ADHFE1: variants seen among roughly 807,000 people sequenced by gnomAD.
The protein encoded by ADHFE1 is hydroxyacid-oxoacid transhydrogenase, mitochondrial.
Under a neutral mutation model 54.8 loss-of-function variants are expected in ADHFE1, and 37 were observed. The observed-to-expected ratio is 0.68, with a 90% CI of 0.52 to 0.89. ADHFE1 has a LOEUF of 0.89. Ranked by LOEUF, ADHFE1 falls within the 40% of genes least tolerant of loss-of-function variation. ADHFE1 has a pLI of 0.00. For missense variants in ADHFE1, 601 were observed against 591.2 expected (o/e 1.02, Z -0.17); for synonymous variants, 203 against 229.3 (o/e 0.89, Z 1.04).
chr8:66,456,738 C>T, intron 10 of ADHFE1, 79 bp from the exon 11 acceptor site: 1 of 1,070,124 alleles, frequency 9.3e-7, no homozygotes. Context: ...TGACAGGCAT[C>T]CCCATAAGAG....
At chr8:66,463,944 G>T (rs1807038075) in intron 13 of ADHFE1, among the ~76,000 whole-genome samples, 1 of 152,190 alleles carries the variant, frequency 6.6e-6, no homozygotes, top group African/African-American at 2.4e-5. Context: ...GCTGCAAGGG[G>T]AGCAGGCAAG....
chr8:66,439,213 C>T lies in ADHFE1; in HGVS notation c.60-949C>T, dbSNP rs1805621459. ...CCCTTTTCCTTCCTCCCCAACCTTC[C>T]CCCTCGGGTGTTTTAATTCCAGATT... On this transcript the variant is annotated intron_variant, in intron 1 of 13. Coordinates refer to ENST00000396623, the MANE Select transcript of ADHFE1 (RefSeq NM_144650.3). The surrounding 1 kb of genome is among the most constrained non-coding windows in gnomAD (Gnocchi z 4.4). 1.0e-6 allele frequency: 1 copy of T among 985,444 alleles called. No individual in the cohort carries two copies. The highest frequency in any genetic ancestry group is 1.2e-6 in the Non-Finnish European group (1 of 829,964). 61.0% of individuals were successfully genotyped at this position (985,444 alleles called of 1,614,324 possible). A position where few individuals can be genotyped will look rare whatever the true frequency, so the allele number is the denominator to read the frequency against.
intron 10 of ADHFE1, among the ~76,000 whole-genome samples, chr8:66,454,996 C>T (rs914738864): frequency 1.3e-5 from 2 of 152,182 alleles, no homozygotes; most frequent in Non-Finnish European, 2.9e-5. Flanking sequence ...GAATTACAGG[C>T]ATGAGCCACC....
At chr8:66,465,157 T>A (rs1013314113) in intron 13 of ADHFE1, among the ~76,000 whole-genome samples, 1 of 152,358 alleles carries the variant, frequency 6.6e-6, no homozygotes, top group South Asian at 2.1e-4. Flanking sequence ...TTGACTATTA[T>A]GAATAATGCT....
intron 9 of ADHFE1, among the ~76,000 whole-genome samples, chr8:66,452,771 C>T (rs2130431799): frequency 6.6e-6 from 1 of 152,190 alleles, no homozygotes; most frequent in East Asian, 1.9e-4. Context: ...TATATACATA[C>T]ATGTATAGCC....
chr8:66,463,898 G>T (rs1420969768), intron 13 of ADHFE1, among the ~76,000 whole-genome samples: 2 of 152,206 alleles, frequency 1.3e-5, no homozygotes, highest in Admixed American at 1.3e-4. Flanking sequence ...GCTAATAGCA[G>T]CCCTGTGTAC....
intron 1 of ADHFE1, among the ~76,000 whole-genome samples, chr8:66,438,577 C>T (rs1180480574): frequency 1.3e-5 from 2 of 152,136 alleles, no homozygotes; most frequent in Admixed American, 6.5e-5. Flanking sequence ...GCTGGACTTG[C>T]AGACACAGCA....
intron 12 of ADHFE1, among the ~76,000 whole-genome samples, chr8:66,457,914 A>G (rs1806680476): frequency 1.3e-5 from 2 of 152,354 alleles, no homozygotes; most frequent in East Asian, 3.9e-4. Flanking sequence ...CTAATTATAG[A>G]GAATCAAAAC....
Position 66,460,455 on chromosome 8 carries a change from C to G in ADHFE1, c.1310C>G (p.Thr437Arg), listed in dbSNP as rs145880607. 2 of 1,582,242 alleles carry G rather than the reference C, an allele frequency of 1.3e-6. No homozygotes were observed. Among genetic ancestry groups the G allele is most frequent in the Non-Finnish European group, 8.6e-7 (1 of 1,157,764 alleles). Residue 437 changes from threonine to arginine, a missense_variant, in exon 13 of 14, where the codon ACG (threonine) becomes AGG (arginine). Coordinates refer to ENST00000396623, the MANE Select transcript of ADHFE1 (RefSeq NM_144650.3). ...GATATCCCCGCACTAGTGAAAGGAA[C>G]GCTGCCCCAGGTAAGAGACCGGCAG... ...KADIPALVKG[T>R]LPQERVTKLA...
intron 6 of ADHFE1, among the ~76,000 whole-genome samples, chr8:66,445,832 TC>T (rs1352784144): frequency 6.6e-6 from 1 of 152,232 alleles, no homozygotes; most frequent in African/African-American, 2.4e-5. Context: ...TAATGGCTCT[TC>T]AGCTGACCTC....
intron 11 of ADHFE1, 27 bp from the exon 12 acceptor site, chr8:66,457,043 C>T (rs557901408): frequency 1.8e-5 from 29 of 1,602,656 alleles, no homozygotes; most frequent in African/African-American, 2.7e-5. Flanking sequence ...TGTCATCTGC[C>T]GGTCACCGCA....
Position 66,468,378 on chromosome 8 carries a change from C to G in ADHFE1, c.*26C>G. On this transcript the variant is annotated 3_prime_UTR_variant, in exon 14 of 14. Coordinates refer to ENST00000396623, the MANE Select transcript of ADHFE1 (RefSeq NM_144650.3). ...TTGTCATTTTAACTGAAAGAATTAC[C>G]GCTGGCCATTGTAGTGCTGAGAGCA... The G allele has an allele frequency of 6.3e-7, 1 of 1,590,650 alleles. No homozygotes were observed. The highest frequency in any genetic ancestry group is 8.6e-7 in the Non-Finnish European group (1 of 1,163,534).
chr8:66,439,843 C>T lies in ADHFE1; in HGVS notation c.60-319C>T, dbSNP rs950207779. Reference sequence around the variant, plus strand: ...GTAAGAGCTGGGGCTTCATGGAGACCAGAGACCCCCATCTTAAACTTGCAT... The same window carrying T: ...GTAAGAGCTGGGGCTTCATGGAGACTAGAGACCCCCATCTTAAACTTGCAT... On this transcript the variant is annotated intron_variant, in intron 1 of 13. Transcript: ENST00000396623. This position sits in a 1 kb window ranked among gnomAD's most constrained non-coding sequence, Gnocchi z 4.4. The T allele has an allele frequency of 7.4e-5, 75 of 1,012,758 alleles. No individual in the cohort carries two copies. In the African/African-American group the frequency reaches 9.7e-4, roughly 13 times the overall value. The allele number at this position is 1,012,758 out of a possible 1,614,324, so 62.7% of individuals were successfully genotyped here.
chr8:66,464,700 G>A (rs756811347), intron 13 of ADHFE1, among the ~76,000 whole-genome samples: 3 of 152,038 alleles, frequency 2.0e-5, no homozygotes, highest in Non-Finnish European at 4.4e-5. Context: ...TTTAAATTGT[G>A]ATAAAATATG....
rs766462372 is a variant in ADHFE1 at position 66,448,927 on chromosome 8, A to C, written c.691A>C (p.Met231Leu). ...GATTGATCCTCTGCACACCCTCCAC[A>C]TGCCTGCCCGAGTGGTCGCCAACAG... ...GLIDPLHTLH[M>L]PARVVANSGF... Residue 231 changes from methionine (M) to leucine (L), a missense_variant, in exon 8 of 14, where the codon ATG becomes CTG. Coordinates refer to ENST00000396623, the MANE Select transcript of ADHFE1 (RefSeq NM_144650.3). 3.1e-6 allele frequency: 5 copies of C among 1,614,076 alleles called. No individual in the cohort carries two copies. In the Admixed American group the frequency reaches 6.7e-5, roughly 22 times the overall value.
At chr8:66,438,201 C>G (rs553863639) in intron 1 of ADHFE1, among the ~76,000 whole-genome samples, 1 of 152,176 alleles carries the variant, frequency 6.6e-6, no homozygotes, top group Admixed American at 6.5e-5. Context: ...CCACGAGAAG[C>G]CAGTTGGGAA....
chr8:66,453,215 T>A (rs1266524410), intron 9 of ADHFE1, among the ~76,000 whole-genome samples: 1 of 152,200 alleles, frequency 6.6e-6, no homozygotes, highest in Non-Finnish European at 1.5e-5. Flanking sequence ...CATCACCTGC[T>A]ACTTCGCCTT....
At chr8:66,467,520 C>T (rs958988367) in intron 13 of ADHFE1, among the ~76,000 whole-genome samples, 3 of 152,092 alleles carry the variant, frequency 2.0e-5, no homozygotes, top group Admixed American at 2.0e-4. Flanking sequence ...ACAAGTTTCC[C>T]TTCCACTAGC....
At chr8:66,459,485 C>T (rs1190517813) in intron 12 of ADHFE1, 1 of 146,120 alleles carries the variant, frequency 6.8e-6, no homozygotes, top group Non-Finnish European at 1.5e-5. Flanking sequence ...TGGTCTTGAC[C>T]TCCAGGACTC....
Sources: allele counts gnomAD v4.1 joint callset (sites outside exome capture counted in the v4.1 genomes callset), GRCh38; gene constraint gnomAD v4.1.1; non-coding constraint Gnocchi (gnomAD v3.1); transcripts MANE v1.5; gene names NCBI Gene and HGNC (gene_info 2026-07-23, HGNC 2026-07-21).